The following USP8 variants were observed in gnomAD, a reference collection of about 807,000 sequenced individuals.
USP8 encodes the protein ubiquitin carboxyl-terminal hydrolase 8.
USP8 carries 27 observed loss-of-function variants against 130.0 expected under a neutral mutation model. The observed-to-expected ratio is 0.21, with a 90% confidence interval of 0.15 to 0.29. The LOEUF (loss-of-function observed/expected upper bound fraction) is 0.29, where lower values mean the gene tolerates loss of function less well. Among genes scored for constraint, USP8 ranks in the 10% least tolerant of loss-of-function variants. The pLI, the probability that USP8 is intolerant of heterozygous loss-of-function variation, is 1.00. For missense variants in USP8, 1,029 were observed against 1,312.2 expected, an observed-to-expected ratio of 0.78 and a Z score of 3.33; for synonymous variants, 392 against 444.1, an observed-to-expected ratio of 0.88 and a Z score of 1.48.
At chr15:50,466,506 A>T (rs149919553) in intron 7 of USP8, among the ~76,000 whole-genome samples, 35 of 151,038 alleles carry the variant, frequency 2.3e-4, no homozygotes, top group African/African-American at 7.8e-4. Flanking sequence ...GAGGCAGGAG[A>T]GTGGCATGAA....
chr15:50,444,097 G>GTT (rs751970462), intron 3 of USP8, among the ~76,000 whole-genome samples: 84 of 117,462 alleles, frequency 7.2e-4, no homozygotes, highest in African/African-American at 1.6e-3. Flanking sequence ...TGTGTGGTAG[G>GTT]TTTTTTTTTT....
At chr15:50,490,595 AGTAT>A in intron 14 of USP8, 70 bp downstream of exon 14, 1 of 1,542,406 alleles carries the variant, frequency 6.5e-7, no homozygotes, top group Non-Finnish European at 8.7e-7. Flanking sequence ...TGAATCTGTC[AGTAT>A]GTTAGTGTCA....
chr15:50,499,117 T>G lies in USP8; in HGVS notation c.*29T>G. 4 of 1,546,754 alleles carry G rather than the reference T, an allele frequency of 2.6e-6. No homozygotes were observed. The highest frequency in any genetic ancestry group is 3.5e-6 in the Non-Finnish European group (4 of 1,147,628). On this transcript the variant is annotated 3_prime_UTR_variant, in exon 20 of 20. Coordinates refer to ENST00000307179, the MANE Select transcript of USP8 (RefSeq NM_005154.5). The stretch of plus-strand genomic sequence containing the variant: ...GACATAGGTTATAAACTAGTTATCT[T>G]TTAAAAGGCTCAGCAACACAACTCT...
At position 50,467,678 on chromosome 15, in the gene USP8, C is replaced by T. The variant is rs116205653; in HGVS notation, c.686+2487C>T. Among the ~76,000 whole-genome samples, 394 of 152,160 alleles carry T rather than the reference C, an allele frequency of 2.6e-3. 1 individual carries two copies. Among genetic ancestry groups the T allele is most frequent in the African/African-American group, 9.1e-3 (377 of 41,526 alleles). On this transcript the variant is annotated intron_variant, in intron 7 of 19. Coordinates refer to ENST00000307179, the MANE Select transcript of USP8 (RefSeq NM_005154.5). ...TTAGATGATCCTCTCACCTCAGCCT[C>T]CTGGGTAGCTGGGAATACAGGCACA...
At chr15:50,485,017 G>T (rs368648568) in intron 12 of USP8, among the ~76,000 whole-genome samples, 15 of 152,312 alleles carry the variant, frequency 9.8e-5, no homozygotes, top group East Asian at 7.7e-4. Context: ...AGTAGGTACA[G>T]AGTTTCAGTT....
At chr15:50,439,214 TATTA>T (rs2050172817) in intron 2 of USP8, 37 bp downstream of exon 2, 3 of 1,279,840 alleles carry the variant, frequency 2.3e-6, no homozygotes, top group Non-Finnish European at 1.1e-6. Context: ...TTGAATCAAA[TATTA>T]ATTTTTAGTT....
In USP8 at chr15:50,512,896, G is replaced by A. The variant is rs981620150; in HGVS notation, c.*13808G>A. The stretch of plus-strand genomic sequence containing the variant: ...AAGAACTTCTTTTTATTTAAGTTGG[G>A]AAACAAAAAGATCATGTACAACAAA... On this transcript the variant is annotated 3_prime_UTR_variant, in exon 20 of 20. Transcript: ENST00000307179. 1.3e-5 allele frequency: 2 copies of A among 151,990 alleles called. No individual in the cohort carries two copies. Among genetic ancestry groups the A allele is most frequent in the Non-Finnish European group, 2.9e-5 (2 of 67,996 alleles). 9.4% of individuals were successfully genotyped at this position (151,990 alleles called of 1,614,324 possible).
chr15:50,482,138 A>G, intron 11 of USP8, 73 bp downstream of exon 11: 1 of 1,356,474 alleles, frequency 7.4e-7, no homozygotes, highest in Non-Finnish European at 9.7e-7. Flanking sequence ...CACCAGTGGC[A>G]TTCCATAAAA....
intron 6 of USP8, among the ~76,000 whole-genome samples, chr15:50,462,701 G>T (rs934466371): frequency 2.0e-5 from 3 of 152,084 alleles, no homozygotes; most frequent in Non-Finnish European, 4.4e-5. Flanking sequence ...CTTTCCGCCT[G>T]GTTTTCAGAA....
chr15:50,439,470 G>A (rs2050179335), intron 2 of USP8, among the ~76,000 whole-genome samples: 2 of 152,142 alleles, frequency 1.3e-5, no homozygotes, highest in African/African-American at 4.8e-5. Flanking sequence ...AGAAGTCATT[G>A]TCTTTTCATA....
At chr15:50,439,823 TAATAA>T (rs368384859) in intron 2 of USP8, among the ~76,000 whole-genome samples, 28 of 131,466 alleles carry the variant, frequency 2.1e-4, no homozygotes, top group African/African-American at 6.4e-4. Context: ...ATAATAATAA[TAATAA>T]TTTTTTTTTT....
intron 15 of USP8, chr15:50,493,177 C>G (rs1323346932): frequency 3.6e-6 from 2 of 550,366 alleles, no homozygotes. Context: ...GAGCCCTAAA[C>G]GGCACCTAAT....
At chr15:50,430,119 A>G (rs138115918) in intron 1 of USP8, among the ~76,000 whole-genome samples, 4 of 152,224 alleles carry the variant, frequency 2.6e-5, no homozygotes, top group African/African-American at 9.6e-5. Context: ...TAAGAGTTGT[A>G]TTTTTTTAGT....
intron 14 of USP8, among the ~76,000 whole-genome samples, chr15:50,492,029 TTTTTGTATTTTTAGTAGAGA>T (rs2052191463): frequency 1.3e-5 from 2 of 152,074 alleles, no homozygotes; most frequent in South Asian, 4.1e-4. Context: ...GCCCAGCTAC[TTTTTGTATTTTTAGTAGAGA>T]CGGGGTTTCA....
At chr15:50,429,911 A>G (rs189029561) in intron 1 of USP8, among the ~76,000 whole-genome samples, 2 of 152,296 alleles carry the variant, frequency 1.3e-5, no homozygotes, top group East Asian at 3.9e-4. Flanking sequence ...AGACAAAAGA[A>G]ATGGATTAAA....
chr15:50,463,043 T>C (rs2051062453), intron 6 of USP8, among the ~76,000 whole-genome samples: 1 of 151,366 alleles, frequency 6.6e-6, no homozygotes, highest in African/African-American at 2.4e-5. Context: ...AGCCCAGGAG[T>C]TCAAGACCAG....
chr15:50,490,784 C>T (rs2052130744), intron 14 of USP8, among the ~76,000 whole-genome samples: 1 of 152,116 alleles, frequency 6.6e-6, no homozygotes, highest in South Asian at 2.1e-4. Flanking sequence ...TTATGTTTTA[C>T]AGTTTCATGC....
chr15:50,491,205 G>T (rs912373706), intron 14 of USP8, among the ~76,000 whole-genome samples: 1 of 152,098 alleles, frequency 6.6e-6, no homozygotes, highest in African/African-American at 2.4e-5. Context: ...GAGGAGGGGG[G>T]CAATAGGTGG....
intron 1 of USP8, among the ~76,000 whole-genome samples, chr15:50,435,565 G>A (rs1001672359): frequency 3.3e-5 from 5 of 152,164 alleles, no homozygotes; most frequent in African/African-American, 7.2e-5. Context: ...CACTTGATGA[G>A]CGGAAAATAC....
Sources: allele counts gnomAD v4.1 joint callset (sites outside exome capture counted in the v4.1 genomes callset), GRCh38; gene constraint gnomAD v4.1.1; transcripts MANE v1.5; gene names NCBI Gene and HGNC (gene_info 2026-07-23, HGNC 2026-07-21).